MKS1: variants seen among roughly 807,000 people sequenced by gnomAD.
The protein encoded by MKS1 is MKS transition zone complex subunit 1, also known as tectonic-like complex member MKS1.
MKS1 carries 70 observed loss-of-function variants against 83.7 expected under a neutral mutation model. That is an observed-to-expected ratio of 0.84 (90% CI 0.69 to 1.02). MKS1 has a LOEUF of 1.02. Among genes scored for constraint, MKS1 ranks in the 50% least tolerant of loss-of-function variants. The pLI, the probability that MKS1 is intolerant of heterozygous loss-of-function variation, is 0.00. For missense variants in MKS1, 681 were observed against 726.9 expected (o/e 0.94, Z 0.73); for synonymous variants, 251 against 273.4 (o/e 0.92, Z 0.81).
Position 58,208,599 on chromosome 17 carries a change from C to A in MKS1, c.1025-16G>T. On this transcript the variant is annotated splice_polypyrimidine_tract_variant and intron_variant, in intron 11 of 17. Transcript: ENST00000393119. ...CTTGACCAGTCTGAAAGCCAAAGAC[C>A]AAATATAGTAAGCTCGCCTGGGAGG... 1 of 1,612,860 alleles carries A rather than the reference C, an allele frequency of 6.2e-7. No individual in the cohort carries two copies. Among genetic ancestry groups the A allele is most frequent in the Non-Finnish European group, 8.5e-7 (1 of 1,179,016 alleles).
At chr17:58,207,017 T>C in intron 15 of MKS1, 68 bp downstream of exon 15, 2 of 1,606,580 alleles carry the variant, frequency 1.2e-6, no homozygotes, top group Non-Finnish European at 1.7e-6. Flanking sequence ...TTGACCCAGA[T>C]CCCACCTCCT....
In MKS1 at chr17:58,215,417, G is replaced by A. The variant is rs796466133; in HGVS notation, c.418-579C>T. Among the ~76,000 whole-genome samples, 4 of 152,060 alleles carry A rather than the reference G, an allele frequency of 2.6e-5. No individual in the cohort carries two copies. In the South Asian group the frequency reaches 8.3e-4, roughly 32 times the overall value. On this transcript the variant is annotated intron_variant, in intron 4 of 17. Coordinates refer to ENST00000393119, the MANE Select transcript of MKS1 (RefSeq NM_017777.4). ...CGGGACTACAGGTACATGCCACCAT[G>A]CCCAGCTAATGTTATCAATCCACAG...
At chr17:58,214,574 T>C (rs2143807215) in intron 5 of MKS1, among the ~76,000 whole-genome samples, 167 bp downstream of exon 5, 1 of 152,348 alleles carries the variant, frequency 6.6e-6, no homozygotes, top group East Asian at 1.9e-4. Flanking sequence ...TGGAAAAATG[T>C]CCACATGAAG....
At chr17:58,216,313 G>A in intron 3 of MKS1, 70 bp from the exon 4 acceptor site, 1 of 1,509,256 alleles carries the variant, frequency 6.6e-7, no homozygotes, top group Non-Finnish European at 9.1e-7. Context: ...TTCTGTAACT[G>A]TTTAATCAAA....
rs1410970640 is a variant in MKS1 at position 58,214,722 on chromosome 17, A to G, written c.515+19T>C. The G allele has an allele frequency of 5.6e-6, 9 of 1,601,144 alleles. No individual in the cohort carries two copies. The highest frequency in any genetic ancestry group is 7.6e-6 in the Non-Finnish European group (9 of 1,178,288). On this transcript the variant is annotated intron_variant, in intron 5 of 17. Coordinates refer to ENST00000393119, the MANE Select transcript of MKS1 (RefSeq NM_017777.4). ...AATAAAAAGTAAAAGCTTGTCCCCCATCCCATGCCCGCACTCACATCCCTC... is the reference window on the plus strand; with the variant it reads ...AATAAAAAGTAAAAGCTTGTCCCCCGTCCCATGCCCGCACTCACATCCCTC...
rs770067106 is a variant in MKS1, at chr17:58,210,981, G to A, written c.957C>T (p.Val319=). 1.1e-5 allele frequency: 17 copies of A among 1,613,742 alleles called. No individual in the cohort carries two copies. Among genetic ancestry groups the A allele is most frequent in the Admixed American group, 3.3e-5 (2 of 60,006 alleles). The change falls in exon 10 of 18, where the codon GTC becomes GTT. Residue 319 remains valine (V), a splice_region_variant and synonymous_variant. Coordinates refer to ENST00000393119, the MANE Select transcript of MKS1 (RefSeq NM_017777.4). ...GATCTATGCTAGCAAGACACTTACC[G>A]ACCTCTCCATTTACAAAGAGCCGGA... ...GALRLFVNGE[V]VSAQGYEYDN...
intron 9 of MKS1, among the ~76,000 whole-genome samples, chr17:58,211,729 A>ATTTTTT (rs35375018): frequency 7.3e-6 from 1 of 137,248 alleles, no homozygotes; most frequent in African/African-American, 2.7e-5. Flanking sequence ...TGCCTTGCTA[A>ATTTTTT]TTTTTTTTTT....
intron 9 of MKS1, among the ~76,000 whole-genome samples, chr17:58,211,729 ATT>A (rs35375018): frequency 1.5e-5 from 2 of 137,218 alleles, no homozygotes; most frequent in Non-Finnish European, 3.1e-5. Context: ...TGCCTTGCTA[ATT>A]TTTTTTTTTT....
intron 11 of MKS1, among the ~76,000 whole-genome samples, chr17:58,210,073 C>T (rs1410554225): frequency 6.6e-6 from 1 of 152,158 alleles, no homozygotes; most frequent in Non-Finnish European, 1.5e-5. Context: ...GTAGATGACA[C>T]TGCCATTCTG....
Position 58,209,553 on chromosome 17 carries a change from C to T in MKS1, c.1025-970G>A, listed in dbSNP as rs1207950996. 2.6e-5 allele frequency among the ~76,000 whole-genome samples: 4 copies of T among 152,122 alleles called. No individual in the cohort carries two copies. The East Asian group carries it at 7.7e-4, about 29-fold the overall frequency. On this transcript the variant is annotated intron_variant, in intron 11 of 17. Coordinates refer to ENST00000393119, the MANE Select transcript of MKS1 (RefSeq NM_017777.4). This position sits in a 1 kb window ranked among gnomAD's most constrained non-coding sequence, Gnocchi z 4.1. ...TCTCAGAGGCGACACAGGCTGAGAC[C>T]TAAACTCAGAAAGAACCAGCCATGC... is the stretch of plus-strand genomic sequence containing the variant.
intron 4 of MKS1, chr17:58,215,546 A>G (rs1236544346): frequency 5.8e-6 from 1 of 172,648 alleles, no homozygotes; most frequent in African/African-American, 2.4e-5. Context: ...AATAGGCTCT[A>G]CCCTCGAGGA....
rs1039584717 is a variant in MKS1, at chr17:58,210,824, T to A, written c.959-100A>T. ...CTACACACCCTGAGAGCAAGTCTTT[T>A]GAGGGCCAGGAACCCTCTGCGTTTC... On this transcript the variant is annotated intron_variant, in intron 10 of 17. Coordinates refer to ENST00000393119, the MANE Select transcript of MKS1 (RefSeq NM_017777.4). The A allele has an allele frequency of 4.2e-5, 61 of 1,458,750 alleles. No homozygotes were observed. In the South Asian group the frequency reaches 6.6e-4, roughly 16 times the overall value. 90.4% of individuals were successfully genotyped at this position (1,458,750 alleles called of 1,614,324 possible). A position where few individuals can be genotyped will look rare whatever the true frequency, so the allele number is the denominator to read the frequency against.
chr17:58,216,242 A>G lies in MKS1; in HGVS notation c.263T>C (p.Phe88Ser), dbSNP rs886053170. Residue 88 changes from phenylalanine (F) to serine (S), a missense_variant and splice_region_variant, in exon 4 of 18, where the codon TTT becomes TCT. Physicochemically the swap from Phe to Ser is radical, Grantham distance 155. This residue lies in a region of MKS1 where 365 missense variants were observed against 383.8 expected (regional missense o/e 0.95). Transcript: ENST00000393119. Reference protein sequence around the residue: ...IGWQEKLFSQFEVDLYQNETA... With the variant: ...IGWQEKLFSQSEVDLYQNETA... ...TTCATTTTGGTACAGATCTACTTCAAACTGAGGTTACCATAAGGAAACAGA... is the reference window on the plus strand; with the variant it reads ...TTCATTTTGGTACAGATCTACTTCAGACTGAGGTTACCATAAGGAAACAGA... The G allele has an allele frequency of 6.2e-7, 1 of 1,612,338 alleles. No individual in the cohort carries two copies. Among genetic ancestry groups the G allele is most frequent in the Non-Finnish European group, 8.5e-7 (1 of 1,179,922 alleles).
rs557896607 is a variant in MKS1 at position 58,219,179 on chromosome 17, G to T, written c.52C>A (p.Arg18=). The T allele has an allele frequency of 6.8e-5, 106 of 1,551,256 alleles. 1 individual carries two copies. The South Asian group carries it at 1.2e-3, about 17-fold the overall frequency. Reference sequence around the variant, plus strand: ...AGGCGCAAGTTGCGCACGGGGTCCCGGGAGCGATACACTGCCTCCCCGGTG... The same window carrying T: ...AGGCGCAAGTTGCGCACGGGGTCCCTGGAGCGATACACTGCCTCCCCGGTG... ...TDTGEAVYRS[R]DPVRNLRLRV... Residue 18 remains arginine (R), a synonymous_variant, in exon 1 of 18, where the codon CGG becomes AGG. Transcript: ENST00000393119.
chr17:58,210,376 C>T (rs1244807503), intron 11 of MKS1, among the ~76,000 whole-genome samples: 2 of 151,948 alleles, frequency 1.3e-5, no homozygotes, highest in African/African-American at 2.4e-5. Flanking sequence ...AAGGCATCAC[C>T]CAAGAAGGAT....
chr17:58,205,544 T>C lies in MKS1; in HGVS notation c.*535A>G, dbSNP rs760382239. ...TAGCAGAAAGGACTCAGCACTGCCT[T>C]CAGCCTTCACTTACTCAGAAATAAC... On this transcript the variant is annotated 3_prime_UTR_variant, in exon 18 of 18. Coordinates refer to ENST00000393119, the MANE Select transcript of MKS1 (RefSeq NM_017777.4). 24 of 1,304,340 alleles carry C rather than the reference T, an allele frequency of 1.8e-5. No individual in the cohort carries two copies. The Admixed American group carries it at 5.5e-4, about 30-fold the overall frequency. 80.8% of individuals were successfully genotyped at this position (1,304,340 alleles called of 1,614,324 possible).
intron 1 of MKS1, 190 bp from the exon 2 acceptor site, chr17:58,218,919 C>T: frequency 2.4e-6 from 2 of 833,560 alleles, no homozygotes; most frequent in Non-Finnish European, 3.9e-6. Flanking sequence ...ACTGGGGGCA[C>T]AGGGCTTTGA....
At chr17:58,208,730 T>G (rs984094833) in intron 11 of MKS1, 147 bp from the exon 12 acceptor site, 1 of 752,888 alleles carries the variant, frequency 1.3e-6, no homozygotes, top group East Asian at 2.8e-5. Flanking sequence ...TGTGGCAGGG[T>G]CATAGGATAA....
intron 1 of MKS1, 72 bp downstream of exon 1, chr17:58,219,079 A>T (rs1969437248): frequency 2.0e-5 from 30 of 1,531,846 alleles, no homozygotes; most frequent in Non-Finnish European, 2.4e-5. Flanking sequence ...GGACCTCAGA[A>T]CACCGAGCTC....
Sources: gnomAD v4.1 joint callset for allele counts (sites outside exome capture counted in the v4.1 genomes callset) on GRCh38, gnomAD v4.1.1 for gene constraint, gnomAD v4.1.1 regional missense constraint, Gnocchi (gnomAD v3.1) non-coding constraint, MANE v1.5 for transcripts, NCBI Gene and HGNC (gene_info 2026-07-23, HGNC 2026-07-21) for gene names.